CREB3L2: variants seen among roughly 807,000 people sequenced by gnomAD.
The protein encoded by CREB3L2 is cAMP responsive element binding protein 3 like 2, also known as cyclic AMP-responsive element-binding protein 3-like protein 2.
A neutral mutation model predicts 57.2 loss-of-function variants in CREB3L2; 23 were observed. The observed-to-expected ratio is 0.40, with a 90% CI of 0.29 to 0.57. The LOEUF is 0.57. CREB3L2 is among the 20% of genes least tolerant of loss of function. The probability of loss-of-function intolerance (pLI) is 0.42; values close to 1 mark genes in which losing one functional copy is unlikely to be tolerated. For missense variants in CREB3L2, 628 were observed against 634.7 expected (o/e 0.99, Z 0.11); for synonymous variants, 268 against 265.1 (o/e 1.01, Z -0.11).
intron 1 of CREB3L2, among the ~76,000 whole-genome samples, chr7:137,986,949 A>T (rs1282146228): frequency 6.6e-6 from 1 of 152,200 alleles, no homozygotes; most frequent in Non-Finnish European, 1.5e-5. Context: ...GGGCGACCCC[A>T]CTGCACCATG....
chr7:137,971,113 G>A (rs749452948), intron 1 of CREB3L2, among the ~76,000 whole-genome samples: 23 of 152,054 alleles, frequency 1.5e-4, no homozygotes, highest in Non-Finnish European at 2.8e-4. Context: ...TCTACACAGA[G>A]TTTAAAGGTG....
chr7:137,952,944 C>T (rs779347522), intron 1 of CREB3L2, among the ~76,000 whole-genome samples: 3 of 152,044 alleles, frequency 2.0e-5, no homozygotes, highest in Non-Finnish European at 2.9e-5. Context: ...CAGCCTCTAA[C>T]GTAGCTGGAT....
chr7:137,881,500 C>T (rs989121357), intron 11 of CREB3L2, among the ~76,000 whole-genome samples: 1 of 152,180 alleles, frequency 6.6e-6, no homozygotes, highest in African/African-American at 2.4e-5. Flanking sequence ...TGCCTCACAT[C>T]TGTAAAGTGC....
intron 1 of CREB3L2, among the ~76,000 whole-genome samples, chr7:137,934,762 G>A (rs1014544258): frequency 6.6e-6 from 1 of 152,144 alleles, no homozygotes; most frequent in African/African-American, 2.4e-5. Context: ...ATACTTATTC[G>A]GCCTTAATGC....
At chr7:137,936,022 A>G in intron 1 of CREB3L2, 1 of 735,072 alleles carries the variant, frequency 1.4e-6, no homozygotes, top group Non-Finnish European at 1.7e-6. Flanking sequence ...AAAGGGGAAC[A>G]AAGTGGGAGG....
Position 137,910,568 on chromosome 7 carries a change from AAAAC to A in CREB3L2, c.584-2136_584-2133del, listed in dbSNP as rs751855759. On this transcript the variant is annotated intron_variant, in intron 4 of 11. Coordinates refer to ENST00000330387, the MANE Select transcript of CREB3L2 (RefSeq NM_194071.4). ...TGGCACTTCATGGTTTAAAAACAAA[AAAAC>A]AAACAAACAAAAAAACGGGAAGCAG... Among the ~76,000 whole-genome samples, 15 of 152,080 alleles carry A rather than the reference AAAAC, an allele frequency of 9.9e-5. 1 individual carries two copies. The highest frequency in any genetic ancestry group is 4.2e-4 in the South Asian group (2 of 4,818).
At chr7:137,944,967 A>T (rs1160859618) in intron 1 of CREB3L2, among the ~76,000 whole-genome samples, 1 of 152,112 alleles carries the variant, frequency 6.6e-6, no homozygotes, top group Admixed American at 6.5e-5. Context: ...ATCTCGACTC[A>T]CTGCAACCTC....
chr7:137,886,619 A>G (rs1396522004), intron 8 of CREB3L2, among the ~76,000 whole-genome samples: 1 of 152,122 alleles, frequency 6.6e-6, no homozygotes, highest in Non-Finnish European at 1.5e-5. Flanking sequence ...AAGAACAAAG[A>G]TGCCTGCTCA....
intron 1 of CREB3L2, among the ~76,000 whole-genome samples, chr7:137,971,488 T>C (rs1413032367): frequency 1.3e-5 from 2 of 151,866 alleles, no homozygotes; most frequent in Non-Finnish European, 2.9e-5. Context: ...GGAGACATTG[T>C]ATGAAGGACA....
intron 8 of CREB3L2, among the ~76,000 whole-genome samples, chr7:137,898,657 A>C (rs911889042): frequency 2.0e-5 from 3 of 152,198 alleles, no homozygotes; most frequent in Non-Finnish European, 4.4e-5. Context: ...CCTATGAAGA[A>C]TTCTTACCAA....
intron 4 of CREB3L2, among the ~76,000 whole-genome samples, chr7:137,912,143 G>A (rs546698957): frequency 4.1e-4 from 62 of 152,268 alleles, no homozygotes; most frequent in African/African-American, 1.2e-3. Context: ...TCAGGAGGCC[G>A]AAGCAGGCGG....
chr7:137,904,933 G>A (rs1216005729), intron 6 of CREB3L2, among the ~76,000 whole-genome samples: 1 of 152,024 alleles, frequency 6.6e-6, no homozygotes, highest in East Asian at 1.9e-4. Flanking sequence ...CCATCAGTGT[G>A]GTCTCAGATA....
Position 137,875,883 on chromosome 7 carries a change from G to A in CREB3L2, c.*4593C>T, listed in dbSNP as rs1799138472. On this transcript the variant is annotated 3_prime_UTR_variant, in exon 12 of 12. Coordinates refer to ENST00000330387, the MANE Select transcript of CREB3L2 (RefSeq NM_194071.4). ...AACCAAGGCTAAATAAAACATTCCTGAATTTTATGTTGTCCAAAATAACAA... is the reference window on the plus strand; with the variant it reads ...AACCAAGGCTAAATAAAACATTCCTAAATTTTATGTTGTCCAAAATAACAA... 1 of 224,776 alleles carries A rather than the reference G, an allele frequency of 4.4e-6. No individual in the cohort carries two copies. Among genetic ancestry groups the A allele is most frequent in the Non-Finnish European group, 8.9e-6 (1 of 112,950 alleles). 13.9% of individuals were successfully genotyped at this position (224,776 alleles called of 1,614,324 possible). A position where few individuals can be genotyped will look rare whatever the true frequency, so the allele number is the denominator to read the frequency against.
intron 1 of CREB3L2, among the ~76,000 whole-genome samples, chr7:137,951,536 T>C (rs897768247): frequency 2.6e-5 from 4 of 152,202 alleles, no homozygotes; most frequent in Non-Finnish European, 4.4e-5. Flanking sequence ...TAAGAGACCA[T>C]AACCACTGCA....
chr7:137,897,436 C>G (rs989765780), intron 8 of CREB3L2, among the ~76,000 whole-genome samples: 1 of 152,182 alleles, frequency 6.6e-6, no homozygotes, highest in Non-Finnish European at 1.5e-5. Flanking sequence ...ATGGCACAAT[C>G]TCGGCTCACT....
At chr7:137,982,140 G>A (rs771335559) in intron 1 of CREB3L2, among the ~76,000 whole-genome samples, 10 of 152,168 alleles carry the variant, frequency 6.6e-5, no homozygotes, top group Non-Finnish European at 1.3e-4. Flanking sequence ...TTTTACCACT[G>A]TTAGGTCAGC....
chr7:137,888,358 A>G (rs1018651480), intron 8 of CREB3L2, among the ~76,000 whole-genome samples: 6 of 152,140 alleles, frequency 3.9e-5, no homozygotes, highest in African/African-American at 9.6e-5. Context: ...AAAGTTTGCA[A>G]CTAAATGGTT....
At chr7:137,948,457 A>G (rs533961222) in intron 1 of CREB3L2, among the ~76,000 whole-genome samples, 1 of 152,300 alleles carries the variant, frequency 6.6e-6, no homozygotes, top group South Asian at 2.1e-4. Context: ...CCAACTCTAC[A>G]AAGTTGGAAT....
intron 1 of CREB3L2, among the ~76,000 whole-genome samples, chr7:137,940,987 C>T (rs985479869): frequency 2.6e-5 from 4 of 152,220 alleles, no homozygotes; most frequent in Admixed American, 2.0e-4. Context: ...AATGGGAGAC[C>T]AGGAAGGTTC....
Sources: gnomAD v4.1 joint callset for allele counts (sites outside exome capture counted in the v4.1 genomes callset) on GRCh38, gnomAD v4.1.1 for gene constraint, MANE v1.5 for transcripts, NCBI Gene and HGNC (gene_info 2026-07-23, HGNC 2026-07-21) for gene names.